EFNA5: variants seen among roughly 807,000 people sequenced by gnomAD.
EFNA5 encodes ephrin-A5.
In EFNA5, 5 loss-of-function variants were observed where a neutral mutation model predicts 22.9. The observed-to-expected ratio is 0.22, with a 90% CI of 0.11 to 0.46. The LOEUF (loss-of-function observed/expected upper bound fraction) is 0.46, where lower values mean the gene tolerates loss of function less well. EFNA5 is among the 20% of genes least tolerant of loss of function. EFNA5 has a pLI of 0.99. For missense variants in EFNA5, 237 were observed against 293.3 expected (o/e 0.81, Z 1.40); for synonymous variants, 113 against 112.2 (o/e 1.01, Z -0.04).
At chr5:107,651,911 T>C (rs1750743945) in intron 1 of EFNA5, among the ~76,000 whole-genome samples, 1 of 152,094 alleles carries the variant, frequency 6.6e-6, no homozygotes, top group African/African-American at 2.4e-5. Flanking sequence ...GCAGAACAAT[T>C]CTAATACATA....
intron 1 of EFNA5, among the ~76,000 whole-genome samples, chr5:107,569,499 GTATA>G (rs1561435834): frequency 7.7e-6 from 1 of 129,310 alleles, no homozygotes; most frequent in Non-Finnish European, 1.6e-5. Context: ...ATATATATGT[GTATA>G]TATATTTATA....
chr5:107,436,561 G>A (rs571370972), intron 1 of EFNA5, among the ~76,000 whole-genome samples: 2 of 152,120 alleles, frequency 1.3e-5, no homozygotes, highest in Non-Finnish European at 1.5e-5. Context: ...TGCAAAACAC[G>A]CTTTTCCTCT....
intron 1 of EFNA5, among the ~76,000 whole-genome samples, chr5:107,529,288 A>T (rs945522372): frequency 1.3e-5 from 2 of 152,164 alleles, no homozygotes; most frequent in African/African-American, 2.4e-5. Flanking sequence ...GTTCACAGGT[A>T]ACAGAGGTCC....
intron 1 of EFNA5, among the ~76,000 whole-genome samples, chr5:107,472,899 G>A (rs760503095): frequency 3.3e-5 from 5 of 152,152 alleles, no homozygotes; most frequent in African/African-American, 7.2e-5. Context: ...TGCAAATGTC[G>A]AGCTGATGAA....
In EFNA5 at chr5:107,401,665, G is replaced by A. The variant is rs77857738; in HGVS notation, c.419-13894C>T. On this transcript the variant is annotated intron_variant, in intron 2 of 4. Coordinates refer to ENST00000333274, the MANE Select transcript of EFNA5 (RefSeq NM_001962.3). ...CAACCACACAGGGCTGTAGGAAGAT[G>A]AGAAATCAGTAAATTCTTTTCACTC... Among the ~76,000 whole-genome samples the A allele has an allele frequency of 1.6e-4, 24 of 152,280 alleles. No individual in the cohort carries two copies. In the East Asian group the frequency reaches 4.2e-3, roughly 27 times the overall value.
At chr5:107,439,691 T>C (rs1016463068) in intron 1 of EFNA5, among the ~76,000 whole-genome samples, 1 of 152,180 alleles carries the variant, frequency 6.6e-6, no homozygotes, top group African/African-American at 2.4e-5. Flanking sequence ...GTAAGCATAG[T>C]TTCAACTCTG....
intron 1 of EFNA5, among the ~76,000 whole-genome samples, chr5:107,496,487 G>A (rs1273364722): frequency 6.6e-6 from 1 of 152,108 alleles, no homozygotes; most frequent in African/African-American, 2.4e-5. Context: ...CATAGAGGAT[G>A]AGCATTTGGC....
At chr5:107,387,858 T>C (rs2112488278) in intron 2 of EFNA5, 87 bp from the exon 3 acceptor site, 1 of 964,094 alleles carries the variant, frequency 1.0e-6, no homozygotes, top group East Asian at 2.5e-5. Context: ...TGATGAACAA[T>C]AAATTCTTTC....
intron 1 of EFNA5, among the ~76,000 whole-genome samples, chr5:107,653,263 T>G (rs1750768653): frequency 6.6e-6 from 1 of 151,810 alleles, no homozygotes; most frequent in African/African-American, 2.4e-5. Context: ...ACCTTAAACT[T>G]CACTAAAGCA....
chr5:107,447,190 A>G (rs1414406145), intron 1 of EFNA5, among the ~76,000 whole-genome samples: 2 of 152,218 alleles, frequency 1.3e-5, no homozygotes, highest in African/African-American at 4.8e-5. Context: ...GTACAGGGTG[A>G]CAACAGAGGA....
intron 1 of EFNA5, among the ~76,000 whole-genome samples, chr5:107,585,378 C>A (rs1749162562): frequency 6.6e-6 from 1 of 152,124 alleles, no homozygotes; most frequent in South Asian, 2.1e-4. Context: ...AATTTCTTTC[C>A]ATTTCTGATG....
chr5:107,549,526 A>T (rs758444750), intron 1 of EFNA5, among the ~76,000 whole-genome samples: 1 of 152,234 alleles, frequency 6.6e-6, no homozygotes, highest in Non-Finnish European at 1.5e-5. Flanking sequence ...CCTAAGAGTA[A>T]ACTGGGGTTC....
At position 107,634,507 on chromosome 5, in the gene EFNA5, C is replaced by T. The variant is rs1338234891; in HGVS notation, c.125+35982G>A. Among the ~76,000 whole-genome samples the T allele has an allele frequency of 2.7e-5, 3 of 112,778 alleles. 1 individual carries two copies. The highest frequency in any genetic ancestry group is 6.6e-5 in the Non-Finnish European group (3 of 45,736). The allele number at this position is 112,778 out of a possible 152,430, so 74.0% of individuals were successfully genotyped here. ...CTGTAGCCTGGACAACAAATGAGATCCTCTCACAAAAAAAGAAGAAAGTTC... is the reference window on the plus strand; with the variant it reads ...CTGTAGCCTGGACAACAAATGAGATTCTCTCACAAAAAAAGAAGAAAGTTC... On this transcript the variant is annotated intron_variant, in intron 1 of 4. Transcript: ENST00000333274.
At chr5:107,423,348 A>T (rs1273533728) in intron 2 of EFNA5, among the ~76,000 whole-genome samples, 1 of 151,472 alleles carries the variant, frequency 6.6e-6, no homozygotes, top group Non-Finnish European at 1.5e-5. Context: ...ACATATTCTC[A>T]TTAGGTTAAT....
At chr5:107,536,605 A>C (rs1441303251) in intron 1 of EFNA5, among the ~76,000 whole-genome samples, 1 of 152,250 alleles carries the variant, frequency 6.6e-6, no homozygotes, top group Non-Finnish European at 1.5e-5. Context: ...TAAAATAAAG[A>C]TTGATGAATT....
At chr5:107,477,991 A>T (rs530784893) in intron 1 of EFNA5, among the ~76,000 whole-genome samples, 1 of 152,278 alleles carries the variant, frequency 6.6e-6, no homozygotes, top group African/African-American at 2.4e-5. Flanking sequence ...ATTTTTAGTG[A>T]TAACCACCGA....
At chr5:107,392,221 G>A (rs779313122) in intron 2 of EFNA5, among the ~76,000 whole-genome samples, 3 of 152,046 alleles carry the variant, frequency 2.0e-5, no homozygotes, top group Non-Finnish European at 2.9e-5. Flanking sequence ...GCAGTCCTTT[G>A]TATAATCCCC....
chr5:107,620,026 C>G (rs2112527875), intron 1 of EFNA5, among the ~76,000 whole-genome samples: 1 of 152,316 alleles, frequency 6.6e-6, no homozygotes, highest in South Asian at 2.1e-4. Context: ...TGTAGGCTGA[C>G]AGTAGCAAAC....
At chr5:107,550,582 T>C (rs576925697) in intron 1 of EFNA5, among the ~76,000 whole-genome samples, 1 of 152,362 alleles carries the variant, frequency 6.6e-6, no homozygotes, top group Non-Finnish European at 1.5e-5. Context: ...ATATGTACTG[T>C]ACCTTAATAA....
Sources: gnomAD v4.1 joint callset for allele counts (sites outside exome capture counted in the v4.1 genomes callset) on GRCh38, gnomAD v4.1.1 for gene constraint, MANE v1.5 for transcripts, NCBI Gene and HGNC (gene_info 2026-07-23, HGNC 2026-07-21) for gene names.